BNIP2: variants seen among roughly 807,000 people sequenced by gnomAD.
The protein encoded by BNIP2 is BCL2 interacting protein 2.
BNIP2 carries 36 observed loss-of-function variants against 43.4 expected under a neutral mutation model. The observed-to-expected ratio is 0.83, with a 90% CI of 0.64 to 1.10. The LOEUF (loss-of-function observed/expected upper bound fraction) is 1.10. BNIP2 is among the 50% of genes least tolerant of loss of function. BNIP2 has a pLI of 0.00. For synonymous variants in BNIP2, 146 were observed against 121.0 expected (o/e 1.21, Z -1.35); for missense variants, 417 against 374.1 (o/e 1.11, Z -0.95).
At chr15:59,681,896 G>A (rs2142015474) in intron 2 of BNIP2, among the ~76,000 whole-genome samples, 1 of 152,242 alleles carries the variant, frequency 6.6e-6, no homozygotes, top group Admixed American at 6.5e-5. Context: ...GCAAACTTAA[G>A]TGACCAAAAC....
At chr15:59,676,058 G>A (rs1893266890) in intron 5 of BNIP2, among the ~76,000 whole-genome samples, 1 of 152,108 alleles carries the variant, frequency 6.6e-6, no homozygotes, top group Non-Finnish European at 1.5e-5. Flanking sequence ...GGTTATATAG[G>A]CATTTGTCAA....
In BNIP2 at chr15:59,668,189, A is replaced by G. The variant is rs1336320651; in HGVS notation, c.893+703T>C. 17 of 1,073,350 alleles carry G rather than the reference A, an allele frequency of 1.6e-5. 1 individual carries two copies. In the South Asian group the frequency reaches 2.2e-4, roughly 14 times the overall value. 66.5% of individuals were successfully genotyped at this position (1,073,350 alleles called of 1,614,324 possible). A position where few individuals can be genotyped will look rare whatever the true frequency, so the allele number is the denominator to read the frequency against. On this transcript the variant is annotated intron_variant, in intron 9 of 9. Transcript: ENST00000607373. ...AAATATACATGTTATGAAAATGAAT[A>G]AAAACTTGAAAAAAGCTACTAAAAA...
At chr15:59,670,413 AGAGT>A (rs1192479684) in intron 7 of BNIP2, among the ~76,000 whole-genome samples, 1 of 152,252 alleles carries the variant, frequency 6.6e-6, no homozygotes, top group African/African-American at 2.4e-5. Flanking sequence ...CCTAGATGAC[AGAGT>A]GAGACCCTGT....
chr15:59,677,815 A>G (rs1893400654), intron 5 of BNIP2, 96 bp downstream of exon 5: 1 of 1,433,916 alleles, frequency 7.0e-7, no homozygotes, highest in Non-Finnish European at 9.4e-7. Flanking sequence ...TGTTCTGTAC[A>G]GGGCTTATTT....
At chr15:59,675,414 T>C (rs905910276) in intron 5 of BNIP2, among the ~76,000 whole-genome samples, 3 of 151,138 alleles carry the variant, frequency 2.0e-5, no homozygotes, top group Admixed American at 6.6e-5. Flanking sequence ...ATCGAGACCA[T>C]CCTGGCTAAC....
At chr15:59,668,767 C>G (rs1018380602) in intron 9 of BNIP2, 125 bp downstream of exon 9, 10 of 792,110 alleles carry the variant, frequency 1.3e-5, no homozygotes, top group Non-Finnish European at 1.9e-5. Context: ...TACACACACA[C>G]ACACACGCGC....
chr15:59,686,006 A>T (rs1447963376), intron 1 of BNIP2, among the ~76,000 whole-genome samples: 1 of 152,190 alleles, frequency 6.6e-6, no homozygotes, highest in East Asian at 1.9e-4. Flanking sequence ...TGTTAAAATA[A>T]CCTGTTGGCA....
Position 59,659,910 on chromosome 15 carries a change from C to G in BNIP2, c.*4159G>C, listed in dbSNP as rs1297832708. The G allele has an allele frequency of 6.6e-6, 1 of 152,158 alleles. No homozygotes were observed. The highest frequency in any genetic ancestry group is 1.9e-4 in the East Asian group (1 of 5,196). 9.4% of individuals were successfully genotyped at this position (152,158 alleles called of 1,614,324 possible). A position where few individuals can be genotyped will look rare whatever the true frequency, so the allele number is the denominator to read the frequency against. On this transcript the variant is annotated 3_prime_UTR_variant, in exon 10 of 10. Coordinates refer to ENST00000607373, the MANE Select transcript of BNIP2 (RefSeq NM_004330.4). ...ATTCAAATTTTAGTGTCACTCCTTA[C>G]TGTTAAACATGCCAGACTACTTTAT...
intron 9 of BNIP2, among the ~76,000 whole-genome samples, chr15:59,666,404 C>T (rs569081359): frequency 3.2e-4 from 48 of 152,282 alleles, no homozygotes; most frequent in South Asian, 1.9e-3. Context: ...TGGTAGCTGA[C>T]GCCTGTAATC....
At chr15:59,685,721 C>A (rs1282774321) in intron 1 of BNIP2, among the ~76,000 whole-genome samples, 1 of 152,128 alleles carries the variant, frequency 6.6e-6, no homozygotes, top group African/African-American at 2.4e-5. Flanking sequence ...GATAGATTTA[C>A]TCTACCATTT....
At chr15:59,681,573 T>C (rs1893675189) in intron 2 of BNIP2, among the ~76,000 whole-genome samples, 1 of 151,956 alleles carries the variant, frequency 6.6e-6, no homozygotes, top group African/African-American at 2.4e-5. Context: ...CTCTGCCTCC[T>C]AAGCAGCTGG....
chr15:59,677,218 C>T lies in BNIP2; in HGVS notation c.472+693G>A. The T allele has an allele frequency of 3.1e-6, 5 of 1,595,564 alleles. No homozygotes were observed. In the Admixed American group the frequency reaches 8.3e-5, roughly 27 times the overall value. ...CCACATGGGATATCCCAAGTAGTACCCGTCTTCCAGAGTGCCAAGCCCCGG... is the reference window on the plus strand; with the variant it reads ...CCACATGGGATATCCCAAGTAGTACTCGTCTTCCAGAGTGCCAAGCCCCGG... On this transcript the variant is annotated intron_variant, in intron 5 of 9. Coordinates refer to ENST00000607373, the MANE Select transcript of BNIP2 (RefSeq NM_004330.4).
chr15:59,671,717 AT>A (rs1287796338), intron 6 of BNIP2, among the ~76,000 whole-genome samples: 1 of 152,216 alleles, frequency 6.6e-6, no homozygotes, highest in Non-Finnish European at 1.5e-5. Flanking sequence ...AAAAGAACTG[AT>A]TTGGCTCAAT....
intron 1 of BNIP2, 48 bp downstream of exon 1, chr15:59,689,087 A>C: frequency 1.3e-5 from 19 of 1,513,704 alleles, no homozygotes; most frequent in Non-Finnish European, 1.6e-5. Flanking sequence ...GCCGGTTCCC[A>C]GTCCAGCTCC....
chr15:59,689,280 A>AG lies in BNIP2; in HGVS notation c.-204dup. The stretch of plus-strand genomic sequence containing the variant: ...GACCCCGGCCCAATCCCCCGGCCGC[A>AG]GCGGTACGGCGTCGGCGGCAGCAGC... On this transcript the variant is annotated 5_prime_UTR_variant, in exon 1 of 10. Transcript: ENST00000607373. 3 of 1,545,616 alleles carry AG rather than the reference A, an allele frequency of 1.9e-6. No individual in the cohort carries two copies. The highest frequency in any genetic ancestry group is 2.6e-6 in the Non-Finnish European group (3 of 1,145,836).
intron 1 of BNIP2, among the ~76,000 whole-genome samples, chr15:59,686,261 A>C (rs1350376290): frequency 6.6e-6 from 1 of 152,228 alleles, no homozygotes; most frequent in Non-Finnish European, 1.5e-5. Flanking sequence ...TGTTAAGATC[A>C]CATTTAGGCC....
chr15:59,676,313 A>G (rs1041391440), intron 5 of BNIP2, among the ~76,000 whole-genome samples: 5 of 152,084 alleles, frequency 3.3e-5, no homozygotes. Flanking sequence ...AGCTGGGACT[A>G]CAGGCATATG....
intron 1 of BNIP2, among the ~76,000 whole-genome samples, chr15:59,685,323 T>C (rs1893941489): frequency 1.3e-5 from 2 of 152,024 alleles, no homozygotes; most frequent in South Asian, 4.1e-4. Flanking sequence ...AAGATGGTGA[T>C]ACCCCGTTTC....
At chr15:59,669,401 T>A in intron 7 of BNIP2, 39 bp from the exon 8 acceptor site, 1 of 1,315,662 alleles carries the variant, frequency 7.6e-7, no homozygotes, top group Non-Finnish European at 1.0e-6. Context: ...ACAAAGAAAA[T>A]TAAAAATTTC....
Sources: gnomAD v4.1 joint callset for allele counts (sites outside exome capture counted in the v4.1 genomes callset) on GRCh38, gnomAD v4.1.1 for gene constraint, MANE v1.5 for transcripts, NCBI Gene and HGNC (gene_info 2026-07-23, HGNC 2026-07-21) for gene names.